The following MYO1D variants were observed in gnomAD, a reference collection of about 807,000 sequenced individuals.
MYO1D encodes the protein myosin ID, also known as unconventional myosin-Id.
In MYO1D, 83 loss-of-function variants were observed where a neutral mutation model predicts 122.0. The observed-to-expected ratio is 0.68, with a 90% confidence interval of 0.57 to 0.82. The LOEUF (loss-of-function observed/expected upper bound fraction) is 0.82, where lower values mean the gene tolerates loss of function less well. Ranked by LOEUF, MYO1D falls within the 40% of genes least tolerant of loss-of-function variation. The pLI is 0.00. For synonymous variants in MYO1D, 464 were observed against 446.9 expected (o/e 1.04, Z -0.48); for missense variants, 1,157 against 1,269.5 (o/e 0.91, Z 1.35).
intron 1 of MYO1D, among the ~76,000 whole-genome samples, chr17:32,823,136 A>G (rs1360878850): frequency 1.4e-4 from 21 of 152,132 alleles, no homozygotes; most frequent in Admixed American, 1.4e-3. Flanking sequence ...GAGGGTTTCT[A>G]GTAAAGTTTT....
intron 16 of MYO1D, among the ~76,000 whole-genome samples, chr17:32,666,634 T>C (rs539872508): frequency 7.8e-4 from 119 of 152,382 alleles, no homozygotes; most frequent in African/African-American, 2.8e-3. Context: ...GTAGGGCAAT[T>C]ATGTATCTTC....
chr17:32,611,134 G>A (rs974585778), intron 20 of MYO1D, among the ~76,000 whole-genome samples: 4 of 152,140 alleles, frequency 2.6e-5, no homozygotes, highest in African/African-American at 9.7e-5. Flanking sequence ...GCCGGCCTGA[G>A]AAATCAGAGC....
At chr17:32,504,238 C>G (rs1430965845) in intron 21 of MYO1D, among the ~76,000 whole-genome samples, 1 of 152,228 alleles carries the variant, frequency 6.6e-6, no homozygotes, top group Non-Finnish European at 1.5e-5. Context: ...GTGATCCACA[C>G]TCACCCTGCT....
chr17:32,685,139 T>C (rs1300663396), intron 16 of MYO1D, among the ~76,000 whole-genome samples: 1 of 152,200 alleles, frequency 6.6e-6, no homozygotes, highest in Non-Finnish European at 1.5e-5. Context: ...ATAAACGCTG[T>C]GTGTCATTCA....
chr17:32,557,543 G>A (rs2087079046), intron 21 of MYO1D, among the ~76,000 whole-genome samples: 3 of 151,904 alleles, frequency 2.0e-5, no homozygotes, highest in South Asian at 4.2e-4. Context: ...TGTCACTCAG[G>A]CCAGAGTGCA....
intron 1 of MYO1D, among the ~76,000 whole-genome samples, chr17:32,801,557 C>T (rs1713454549): frequency 6.6e-6 from 1 of 151,914 alleles, no homozygotes; most frequent in African/African-American, 2.4e-5. Flanking sequence ...ATAATGGGAG[C>T]CCAGGTTTCT....
At chr17:32,596,361 C>T (rs985344953) in intron 21 of MYO1D, among the ~76,000 whole-genome samples, 2 of 152,232 alleles carry the variant, frequency 1.3e-5, no homozygotes, top group East Asian at 3.9e-4. Flanking sequence ...TGAGCAGCAG[C>T]TCTGCTGGAC....
intron 21 of MYO1D, among the ~76,000 whole-genome samples, chr17:32,604,502 TC>T (rs2087602692): frequency 1.3e-5 from 2 of 152,308 alleles, no homozygotes; most frequent in Non-Finnish European, 2.9e-5. Flanking sequence ...CATTCACTGG[TC>T]CCCATCACTC....
intron 14 of MYO1D, among the ~76,000 whole-genome samples, chr17:32,732,785 T>C (rs2089655834): frequency 6.6e-6 from 1 of 152,158 alleles, no homozygotes; most frequent in Non-Finnish European, 1.5e-5. Flanking sequence ...GCTTGCCACG[T>C]TGTGGGTGAC....
intron 1 of MYO1D, among the ~76,000 whole-genome samples, chr17:32,809,147 A>C (rs988362747): frequency 6.6e-6 from 1 of 151,634 alleles, no homozygotes; most frequent in Non-Finnish European, 1.5e-5. Context: ...AAAAAAAAAA[A>C]AAAACTGTCA....
intron 20 of MYO1D, chr17:32,632,364 G>A (rs542573283): frequency 1.3e-5 from 2 of 152,036 alleles, no homozygotes; most frequent in African/African-American, 4.8e-5. Flanking sequence ...ACAATTAGGA[G>A]ATTTCACATA....
At chr17:32,552,241 A>G (rs1457622934) in intron 21 of MYO1D, among the ~76,000 whole-genome samples, 2 of 152,050 alleles carry the variant, frequency 1.3e-5, no homozygotes, top group Admixed American at 6.6e-5. Context: ...ACACCTGGCT[A>G]ATTTTTGTAT....
At chr17:32,726,676 T>A (rs973521898) in intron 14 of MYO1D, among the ~76,000 whole-genome samples, 1 of 149,198 alleles carries the variant, frequency 6.7e-6, no homozygotes, top group Non-Finnish European at 1.5e-5. Flanking sequence ...GTAATATAGA[T>A]ACAGATAATA....
intron 21 of MYO1D, among the ~76,000 whole-genome samples, chr17:32,603,382 A>G (rs1325766607): frequency 1.3e-5 from 2 of 152,136 alleles, no homozygotes; most frequent in Non-Finnish European, 2.9e-5. Flanking sequence ...CTGGTATCCA[A>G]ATTAAGAGTA....
At chr17:32,597,868 C>CAAAA (rs755415435) in intron 21 of MYO1D, among the ~76,000 whole-genome samples, 14 of 62,680 alleles carry the variant, frequency 2.2e-4, no homozygotes, top group South Asian at 6.1e-4. Flanking sequence ...AACCCTGTCT[C>CAAAA]AAAAAAAAAA....
chr17:32,743,563 T>C (rs543086372), intron 13 of MYO1D, among the ~76,000 whole-genome samples: 3 of 152,110 alleles, frequency 2.0e-5, no homozygotes, highest in African/African-American at 7.2e-5. Flanking sequence ...CTTTTCATTA[T>C]CTCCATCACT....
intron 21 of MYO1D, among the ~76,000 whole-genome samples, chr17:32,598,230 TG>T (rs2150909011): frequency 6.6e-6 from 1 of 152,166 alleles, no homozygotes; most frequent in African/African-American, 2.4e-5. Flanking sequence ...AAAAATTAGC[TG>T]GGCATGGTGA....
In MYO1D at chr17:32,712,100, T is replaced by C; in HGVS notation, c.2009A>G (p.Asp670Gly). The C allele has an allele frequency of 6.2e-7, 1 of 1,614,098 alleles. No homozygotes were observed. Among genetic ancestry groups the C allele is most frequent in the Non-Finnish European group, 8.5e-7 (1 of 1,179,980 alleles). ...KKLIERCGFQ[D>G]DVAYGKTKIF... Reference sequence around the variant, plus strand: ...TTTGGTCTTCCCATAAGCTACATCATCCTGAAAACCACACCGTTCAATTAG... The same window carrying C: ...TTTGGTCTTCCCATAAGCTACATCACCCTGAAAACCACACCGTTCAATTAG... Residue 670 changes from aspartate (D) to glycine (G), a missense_variant, in exon 16 of 22, where the codon GAT (aspartate) becomes GGT (glycine). By Grantham distance (94) the Asp-to-Gly change is moderately conservative. Coordinates refer to ENST00000318217, the MANE Select transcript of MYO1D (RefSeq NM_015194.3).
At chr17:32,568,118 C>T (rs763408443) in intron 21 of MYO1D, among the ~76,000 whole-genome samples, 5 of 148,760 alleles carry the variant, frequency 3.4e-5, no homozygotes, top group Non-Finnish European at 7.4e-5. Context: ...GTCCTTTTTC[C>T]CAAAAGAGTC....
Sources: gnomAD v4.1 joint callset for allele counts (sites outside exome capture counted in the v4.1 genomes callset) on GRCh38, gnomAD v4.1.1 for gene constraint, MANE v1.5 for transcripts, NCBI Gene and HGNC (gene_info 2026-07-23, HGNC 2026-07-21) for gene names.